Variants in SLC16A12 observed in about 807,000 individuals in gnomAD.
The protein encoded by SLC16A12 is monocarboxylate transporter 12.
A neutral mutation model predicts 42.4 loss-of-function variants in SLC16A12; 17 were observed. The observed-to-expected ratio is 0.40, with a 90% CI of 0.27 to 0.60. SLC16A12 has a LOEUF of 0.60. Ranked by LOEUF, SLC16A12 falls within the 20% of genes least tolerant of loss-of-function variation. SLC16A12 has a pLI of 0.42. For synonymous variants in SLC16A12, 224 were observed against 229.4 expected (o/e 0.98, Z 0.21); for missense variants, 544 against 623.0 (o/e 0.87, Z 1.35).
chr10:89,441,374 GCTTT>G, intron 4 of SLC16A12, 123 bp from the exon 5 acceptor site: 1 of 1,230,652 alleles, frequency 8.1e-7, no homozygotes, highest in South Asian at 1.3e-5. Flanking sequence ...TAATTCTGCA[GCTTT>G]GGAAACTGAG....
chr10:89,503,182 A>AT (rs1843012978), intron 2 of SLC16A12, among the ~76,000 whole-genome samples: 1 of 152,216 alleles, frequency 6.6e-6, no homozygotes. Context: ...TTCCTCACAT[A>AT]ATTGACTCCT....
intron 2 of SLC16A12, among the ~76,000 whole-genome samples, chr10:89,498,720 A>T (rs1293386258): frequency 1.3e-5 from 2 of 152,090 alleles, no homozygotes; most frequent in Non-Finnish European, 1.5e-5. Flanking sequence ...AAGGAGGTGG[A>T]TTGCTCCTGC....
chr10:89,440,801 G>A (rs1841895130), intron 5 of SLC16A12, among the ~76,000 whole-genome samples: 3 of 152,210 alleles, frequency 2.0e-5, no homozygotes, highest in Admixed American at 1.3e-4. Context: ...GACCATTGCT[G>A]AAAATTCATG....
chr10:89,554,956 C>A (rs17123683), intron 2 of SLC16A12, among the ~76,000 whole-genome samples: 14,785 of 152,128 alleles, frequency 0.097, 1,260 homozygotes, highest in African/African-American at 0.23. Context: ...TTTTCCTACC[C>A]CTGTCCTGGC....
chr10:89,523,203 G>T (rs949141195), intron 2 of SLC16A12, among the ~76,000 whole-genome samples: 1 of 152,144 alleles, frequency 6.6e-6, no homozygotes, highest in Non-Finnish European at 1.5e-5. Flanking sequence ...AGAAAAGAAG[G>T]GAAGAGAAGG....
intron 2 of SLC16A12, among the ~76,000 whole-genome samples, chr10:89,501,337 C>T (rs1264581653): frequency 6.6e-6 from 1 of 152,126 alleles, no homozygotes; most frequent in Non-Finnish European, 1.5e-5. Context: ...AAACAGTCCA[C>T]ATAGCCAAAG....
chr10:89,443,973 T>C lies in SLC16A12; in HGVS notation c.201-114A>G, dbSNP rs77348497. On this transcript the variant is annotated intron_variant, in intron 3 of 7. Coordinates refer to ENST00000371790, the MANE Select transcript of SLC16A12 (RefSeq NM_213606.4). ...TCCTGTTTCCAAGGGTTTTAATTGC[T>C]AGACCATAATAAGTGGGAAATCAGA... is the stretch of plus-strand genomic sequence containing the variant. 1,593 of 722,778 alleles carry C rather than the reference T, an allele frequency of 2.2e-3. 20 individuals are homozygous for C. The African/African-American group carries it at 0.025, about 11-fold the overall frequency. The allele number at this position is 722,778 out of a possible 1,614,324, so 44.8% of individuals were successfully genotyped here. A position where few individuals can be genotyped will look rare whatever the true frequency, so the allele number is the denominator to read the frequency against.
At chr10:89,495,197 T>C (rs1019223531) in intron 2 of SLC16A12, among the ~76,000 whole-genome samples, 5 of 151,974 alleles carry the variant, frequency 3.3e-5, no homozygotes, top group Middle Eastern at 3.4e-3. Context: ...TACTAAAAAA[T>C]ACAAAAATTA....
At chr10:89,553,973 C>T (rs1843786469) in intron 2 of SLC16A12, among the ~76,000 whole-genome samples, 1 of 147,430 alleles carries the variant, frequency 6.8e-6, no homozygotes, top group African/African-American at 2.5e-5. Context: ...CCAGCCTGGG[C>T]AACAGAGCGA....
At chr10:89,443,905 T>G in intron 3 of SLC16A12, 46 bp from the exon 4 acceptor site, 1 of 1,236,766 alleles carries the variant, frequency 8.1e-7, no homozygotes, top group East Asian at 2.3e-5. Flanking sequence ...TGAATGAGCA[T>G]GCATTTGAGC....
chr10:89,527,482 CA>C (rs200275580), intron 2 of SLC16A12, among the ~76,000 whole-genome samples: 1,484 of 142,490 alleles, frequency 0.01, 30 homozygotes, highest in African/African-American at 0.036. Context: ...GACTCCACCT[CA>C]AAAAAAAAAT....
At chr10:89,518,326 C>T (rs1011427726) in intron 2 of SLC16A12, among the ~76,000 whole-genome samples, 2 of 152,174 alleles carry the variant, frequency 1.3e-5, no homozygotes, top group Non-Finnish European at 2.9e-5. Context: ...GTGTCCTGGT[C>T]CCCAGAGCCC....
intron 2 of SLC16A12, among the ~76,000 whole-genome samples, chr10:89,488,114 A>T (rs1254641369): frequency 6.6e-6 from 1 of 151,206 alleles, no homozygotes; most frequent in African/African-American, 2.4e-5. Context: ...CATAGCCAGA[A>T]AAAAGAGTGA....
intron 2 of SLC16A12, among the ~76,000 whole-genome samples, chr10:89,480,715 C>G (rs1344721945): frequency 2.0e-5 from 3 of 151,980 alleles, no homozygotes; most frequent in African/African-American, 7.3e-5. Context: ...CTTGGAGTAT[C>G]AAAAGGAAAA....
intron 2 of SLC16A12, among the ~76,000 whole-genome samples, chr10:89,499,426 T>C (rs886582432): frequency 1.3e-5 from 2 of 152,002 alleles, no homozygotes; most frequent in Non-Finnish European, 2.9e-5. Flanking sequence ...TGGTGGTGTG[T>C]GCCTGTAATC....
chr10:89,534,671 A>T (rs1170329467), intron 1 of SLC16A12, 31 bp from the exon 2 acceptor site: 1 of 95,160 alleles, frequency 1.1e-5, no homozygotes, highest in Non-Finnish European at 2.4e-5. Flanking sequence ...AAAAAAAAAA[A>T]TCCAAAAATT....
intron 2 of SLC16A12, among the ~76,000 whole-genome samples, chr10:89,465,313 G>C (rs56297539): frequency 3.3e-5 from 5 of 152,012 alleles, no homozygotes; most frequent in Non-Finnish European, 5.9e-5. Context: ...ATTCATAAAC[G>C]TTTTTGTCTA....
intron 2 of SLC16A12, among the ~76,000 whole-genome samples, chr10:89,513,399 T>C (rs1352819233): frequency 6.6e-6 from 1 of 152,242 alleles, no homozygotes; most frequent in Non-Finnish European, 1.5e-5. Flanking sequence ...GATTCAATCA[T>C]GTGACATATC....
At position 89,554,147 on chromosome 10, in the gene SLC16A12, A is replaced by AAGGAAGGAAGGAAGGAAGGAAGGTAG. The variant is rs1363375178; in HGVS notation, c.-47+1734_-47+1735insCTACCTTCCTTCCTTCCTTCCTTCCT. Among the ~76,000 whole-genome samples, 18 of 93,034 alleles carry AAGGAAGGAAGGAAGGAAGGAAGGTAG rather than the reference A, an allele frequency of 1.9e-4. 2 individuals carry two copies. The highest frequency in any genetic ancestry group is 9.6e-4 in the African/African-American group (17 of 17,742). 61.0% of individuals were successfully genotyped at this position (93,034 alleles called of 152,430 possible). A position where few individuals can be genotyped will look rare whatever the true frequency, so the allele number is the denominator to read the frequency against. On this transcript the variant is annotated intron_variant, in intron 2 of 2. Transcript: ENST00000475682. ...AGGAAGGAAGGAAGGAAGGAAGGAA[A>AAGGAAGGAAGGAAGGAAGGAAGGTAG]GAAAGAAAGAAAATGGGAAAGTTCT...
Sources: gnomAD v4.1 joint callset for allele counts (sites outside exome capture counted in the v4.1 genomes callset) on GRCh38, gnomAD v4.1.1 for gene constraint, MANE v1.5 for transcripts, NCBI Gene and HGNC (gene_info 2026-07-23, HGNC 2026-07-21) for gene names.